The following ZNF160 variants were observed in gnomAD, a reference collection of about 807,000 sequenced individuals.
ZNF160 encodes KRAB zinc finger protein KR18.
In ZNF160, 9 loss-of-function variants were observed where a neutral mutation model predicts 13.1. The ratio of observed to expected loss-of-function variants is 0.69; its 90% confidence interval spans 0.41 to 1.20. The LOEUF is 1.20. Among genes scored for constraint, ZNF160 ranks in the 50% most tolerant of loss-of-function variants. ZNF160 has a pLI of 0.01. For synonymous variants in ZNF160, 293 were observed against 333.2 expected (o/e 0.88, Z 1.31); for missense variants, 838 against 988.0 (o/e 0.85, Z 2.04).
intron 3 of ZNF160, among the ~76,000 whole-genome samples, chr19:53,084,450 C>T (rs558231206): frequency 9.2e-5 from 14 of 152,296 alleles, no homozygotes; most frequent in Middle Eastern, 3.4e-3. Flanking sequence ...CTGCAAGCAG[C>T]GAGCAACTGA....
At chr19:53,079,125 G>A (rs1389079442) in intron 3 of ZNF160, among the ~76,000 whole-genome samples, 1 of 152,170 alleles carries the variant, frequency 6.6e-6, no homozygotes, top group African/African-American at 2.4e-5. Context: ...ACACTGGGAA[G>A]ACAAGAGTGG....
chr19:53,092,423 G>A (rs2085070462), intron 1 of ZNF160, among the ~76,000 whole-genome samples: 1 of 152,028 alleles, frequency 6.6e-6, no homozygotes, highest in Non-Finnish European at 1.5e-5. Flanking sequence ...CGATTCTCCT[G>A]TCTCAGCCTC....
intron 1 of ZNF160, among the ~76,000 whole-genome samples, chr19:53,100,542 G>A (rs1359549510): frequency 1.3e-5 from 2 of 151,986 alleles, no homozygotes; most frequent in Admixed American, 6.5e-5. Flanking sequence ...CCTGGGAGGC[G>A]GAGCTTGCAG....
chr19:53,081,679 A>G (rs1261138242), intron 3 of ZNF160, among the ~76,000 whole-genome samples: 1 of 152,240 alleles, frequency 6.6e-6, no homozygotes, highest in Non-Finnish European at 1.5e-5. Context: ...TGGGAATGCA[A>G]ATTTGTTCAG....
At chr19:53,070,794 C>T (rs1187855502) in intron 5 of ZNF160, among the ~76,000 whole-genome samples, 1 of 152,168 alleles carries the variant, frequency 6.6e-6, no homozygotes, top group Non-Finnish European at 1.5e-5. Flanking sequence ...GTGGCTCATG[C>T]CTGTAATCCC....
intron 3 of ZNF160, chr19:53,085,947 T>A (rs765640344): frequency 2.9e-5 from 33 of 1,139,054 alleles, no homozygotes; most frequent in Admixed American, 1.2e-4. Flanking sequence ...GCGCTGACAG[T>A]GCATCCAGAT....
At chr19:53,076,822 C>T (rs913217702) in intron 3 of ZNF160, 1 of 152,198 alleles carries the variant, frequency 6.6e-6, no homozygotes, top group Non-Finnish European at 1.5e-5. Context: ...GAGGCCCTAT[C>T]CTGCCATGAT....
rs552450119 is a variant in ZNF160, at chr19:53,095,042, C to T, written c.-353-3322G>A. Among the ~76,000 whole-genome samples, 5 of 148,566 alleles carry T rather than the reference C, an allele frequency of 3.4e-5. No individual in the cohort carries two copies. In the South Asian group the frequency reaches 1.1e-3, roughly 32 times the overall value. ...CCAGGGCGACTTTTACCCTTCTCAC[C>T]CCACCCCTTCCCCACTGCCCAGGCC... On this transcript the variant is annotated intron_variant, in intron 1 of 5. Coordinates refer to ENST00000683776, the MANE Select transcript of ZNF160 (RefSeq NM_001322131.2).
intron 4 of ZNF160, among the ~76,000 whole-genome samples, chr19:53,074,613 G>A (rs56042840): frequency 6.7e-6 from 1 of 149,776 alleles, no homozygotes; most frequent in Non-Finnish European, 1.5e-5. Context: ...GAGCTTGCAG[G>A]GAGCCTAGAT....
intron 3 of ZNF160, among the ~76,000 whole-genome samples, chr19:53,082,242 G>A (rs1225337526): frequency 1.3e-5 from 2 of 152,136 alleles, no homozygotes; most frequent in East Asian, 1.9e-4. Flanking sequence ...GAAACCTCAC[G>A]TGTACCCCCT....
chr19:53,100,326 G>C (rs1434841242), intron 1 of ZNF160, among the ~76,000 whole-genome samples: 1 of 152,220 alleles, frequency 6.6e-6, no homozygotes, highest in Admixed American at 6.5e-5. Context: ...TAACAAATAA[G>C]TTGGCCGAGC....
rs980391145 is a variant in ZNF160 at position 53,096,809 on chromosome 19, T to C, written c.-353-5089A>G. On this transcript the variant is annotated intron_variant, in intron 1 of 5. Transcript: ENST00000683776. ...CTGGGGAAGCATTAGTTTCCCATCATAGAGAGGACAACGGGGAAAGGGAGA... is the reference window on the plus strand; with the variant it reads ...CTGGGGAAGCATTAGTTTCCCATCACAGAGAGGACAACGGGGAAAGGGAGA... Among the ~76,000 whole-genome samples the C allele has an allele frequency of 7.7e-5, 10 of 129,218 alleles. 4 individuals are homozygous for C. Among genetic ancestry groups the C allele is most frequent in the Non-Finnish European group, 1.4e-4 (8 of 58,590 alleles). 84.8% of individuals were successfully genotyped at this position (129,218 alleles called of 152,430 possible).
chr19:53,095,136 C>T (rs12981505), intron 1 of ZNF160, among the ~76,000 whole-genome samples: 1 of 128,392 alleles, frequency 7.8e-6, no homozygotes, highest in Non-Finnish European at 1.7e-5. Flanking sequence ...CCAGACCGCA[C>T]CCCAGGGCGA....
At chr19:53,098,940 A>ATTCCAATTTC (rs2085340771) in intron 1 of ZNF160, among the ~76,000 whole-genome samples, 2 of 150,258 alleles carry the variant, frequency 1.3e-5, no homozygotes, top group Non-Finnish European at 2.9e-5. Flanking sequence ...CAGGAAGTTT[A>ATTCCAATTTC]GACCAATTAC....
rs1489244598 is a variant in ZNF160, at chr19:53,068,759, G to C, written c.1775C>G (p.Pro592Arg). The C allele has an allele frequency of 6.2e-7, 1 of 1,614,052 alleles. No homozygotes were observed. The highest frequency in any genetic ancestry group is 8.5e-7 in the Non-Finnish European group (1 of 1,180,030). The change falls in exon 6 of 6, where the codon CCT becomes CGT. Residue 592 changes from proline to arginine, a missense_variant. This residue lies in a region of ZNF160 where 400 missense variants were observed against 538.9 expected (regional missense o/e 0.74). Transcript: ENST00000683776. ...TCTGCCACAGTCATTACACTTGTAAGGTTTTTCTCCAGTATGAACTCTCCA... is the reference window on the plus strand; with the variant it reads ...TCTGCCACAGTCATTACACTTGTAACGTTTTTCTCCAGTATGAACTCTCCA... ...RHWRVHTGEKPYKCNDCGRAF... is the reference protein window; with the variant it reads ...RHWRVHTGEKRYKCNDCGRAF...
intron 1 of ZNF160, among the ~76,000 whole-genome samples, chr19:53,097,686 T>A (rs2085288949): frequency 1.3e-5 from 2 of 152,256 alleles, no homozygotes; most frequent in South Asian, 4.1e-4. Flanking sequence ...AAGGAAACAC[T>A]CCAAATGATC....
At chr19:53,100,734 C>T (rs28662846) in intron 1 of ZNF160, among the ~76,000 whole-genome samples, 24,034 of 152,108 alleles carry the variant, frequency 0.16, 2,177 homozygotes, top group African/African-American at 0.23. Context: ...GTGGCTCACG[C>T]CTGTAATCCC....
At chr19:53,097,533 T>C (rs1291522045) in intron 1 of ZNF160, among the ~76,000 whole-genome samples, 3 of 152,020 alleles carry the variant, frequency 2.0e-5, no homozygotes, top group African/African-American at 4.8e-5. Context: ...CATGGAATAA[T>C]ATACACAAAC....
intron 3 of ZNF160, chr19:53,085,636 T>G (rs976578730): frequency 1.1e-5 from 2 of 181,522 alleles, no homozygotes; most frequent in African/African-American, 4.7e-5. Context: ...ACAGTCTCCA[T>G]GGGATAGAGC....
Sources: gnomAD v4.1 joint callset for allele counts (sites outside exome capture counted in the v4.1 genomes callset) on GRCh38, gnomAD v4.1.1 for gene constraint, gnomAD v4.1.1 regional missense constraint, MANE v1.5 for transcripts, NCBI Gene and HGNC (gene_info 2026-07-23, HGNC 2026-07-21) for gene names.